The following PLCL2 variants were observed in gnomAD, a reference collection of about 807,000 sequenced individuals.
PLCL2 encodes inactive phospholipase C-like protein 2.
PLCL2 carries 4 observed loss-of-function variants against 79.6 expected under a neutral mutation model. The observed-to-expected ratio is 0.05, with a 90% CI of 0.02 to 0.11. The LOEUF (loss-of-function observed/expected upper bound fraction) is 0.11. Among genes scored for constraint, PLCL2 ranks in the 10% least tolerant of loss-of-function variants. The pLI is 1.00. For missense variants in PLCL2, 895 were observed against 1,291.0 expected, an observed-to-expected ratio of 0.69 and a Z score of 4.70; for synonymous variants, 484 against 457.7, an observed-to-expected ratio of 1.06 and a Z score of -0.73.
intron 1 of PLCL2, among the ~76,000 whole-genome samples, chr3:16,953,120 A>C (rs2063668724): frequency 6.6e-6 from 1 of 152,188 alleles, no homozygotes; most frequent in South Asian, 2.1e-4. Flanking sequence ...TTTATGGGTA[A>C]TGACATGAAA....
At chr3:16,971,317 G>A (rs2124979160) in intron 1 of PLCL2, among the ~76,000 whole-genome samples, 1 of 152,176 alleles carries the variant, frequency 6.6e-6, no homozygotes, top group African/African-American at 2.4e-5. Flanking sequence ...TATTAAATAG[G>A]GAATCCTTTC....
intron 5 of PLCL2, among the ~76,000 whole-genome samples, chr3:17,088,511 G>T (rs1424537955): frequency 6.6e-6 from 1 of 152,168 alleles, no homozygotes; most frequent in East Asian, 1.9e-4. Context: ...TGGAAGGCAG[G>T]TTAAATTTGG....
At chr3:16,971,298 C>A (rs9819321) in intron 1 of PLCL2, among the ~76,000 whole-genome samples, 2,977 of 151,900 alleles carry the variant, frequency 0.02, 90 homozygotes, top group African/African-American at 0.059. Flanking sequence ...CAGTTTTCCC[C>A]GCACCATTTA....
Position 16,886,098 on chromosome 3 carries a change from T to A in PLCL2, c.327+732T>A, listed in dbSNP as rs1696215854. 1.3e-5 allele frequency among the ~76,000 whole-genome samples: 2 copies of A among 152,222 alleles called. No individual in the cohort carries two copies. Among genetic ancestry groups the A allele is most frequent in the African/African-American group, 2.4e-5 (1 of 41,458 alleles). ...TAGCGGAAGAAAGCCAGCGATTGTT[T>A]TGAGCATTTTAAACTCAAGAAGTAA... On this transcript the variant is annotated intron_variant, in intron 1 of 5. Transcript: ENST00000615277. The surrounding 1 kb of genome is among the most constrained non-coding windows in gnomAD (Gnocchi z 4.2).
intron 1 of PLCL2, among the ~76,000 whole-genome samples, chr3:16,917,434 A>G (rs1425529220): frequency 6.6e-6 from 1 of 152,212 alleles, no homozygotes; most frequent in Non-Finnish European, 1.5e-5. Context: ...GACAGTTTGA[A>G]CAGGACACAT....
chr3:17,089,674 G>A lies in PLCL2; in HGVS notation c.3205-59G>A, dbSNP rs147658563. 64 of 958,522 alleles carry A rather than the reference G, an allele frequency of 6.7e-5. No individual in the cohort carries two copies. In the East Asian group the frequency reaches 1.5e-3, roughly 23 times the overall value. 59.4% of individuals were successfully genotyped at this position (958,522 alleles called of 1,614,324 possible). On this transcript the variant is annotated intron_variant, in intron 5 of 5. Coordinates refer to ENST00000615277, the MANE Select transcript of PLCL2 (RefSeq NM_001144382.2). ...ATTTCAGTGAAAGATAGATATTGTT[G>A]AAGTATAACACTAAGTTATGTCATA... is the stretch of plus-strand genomic sequence containing the variant.
At chr3:16,936,141 G>A (rs973547621) in intron 1 of PLCL2, among the ~76,000 whole-genome samples, 1 of 152,150 alleles carries the variant, frequency 6.6e-6, no homozygotes, top group Admixed American at 6.6e-5. Flanking sequence ...ATGACTTAAG[G>A]AATCTTAGGA....
intron 1 of PLCL2, among the ~76,000 whole-genome samples, chr3:16,995,354 G>A (rs1190032388): frequency 6.6e-6 from 1 of 152,250 alleles, no homozygotes; most frequent in Middle Eastern, 3.2e-3. Flanking sequence ...ACACAAAGGG[G>A]AAATGCAGAT....
At chr3:16,931,629 A>G (rs932373522) in intron 1 of PLCL2, among the ~76,000 whole-genome samples, 4 of 152,216 alleles carry the variant, frequency 2.6e-5, no homozygotes, top group Non-Finnish European at 5.9e-5. Flanking sequence ...TTGGTCTTAG[A>G]GTCTGAGGGT....
At chr3:16,940,287 G>A (rs1697647587) in intron 1 of PLCL2, among the ~76,000 whole-genome samples, 1 of 152,062 alleles carries the variant, frequency 6.6e-6, no homozygotes, top group South Asian at 2.1e-4. Context: ...TCTCACATCC[G>A]AAACCAGCCC....
At chr3:16,906,338 G>A (rs1696751610) in intron 1 of PLCL2, among the ~76,000 whole-genome samples, 1 of 152,100 alleles carries the variant, frequency 6.6e-6, no homozygotes, top group Non-Finnish European at 1.5e-5. Context: ...AAGCGAATAT[G>A]TTCTTTTTAC....
intron 4 of PLCL2, among the ~76,000 whole-genome samples, chr3:17,065,219 G>T (rs944579137): frequency 3.9e-5 from 6 of 152,178 alleles, no homozygotes; most frequent in African/African-American, 1.4e-4. Flanking sequence ...TTTTTTAATA[G>T]ACTTGTAAAA....
chr3:17,074,128 A>G (rs947792546), intron 5 of PLCL2, among the ~76,000 whole-genome samples: 14 of 152,228 alleles, frequency 9.2e-5, no homozygotes, highest in Non-Finnish European at 1.0e-4. Context: ...CTATAGCCTT[A>G]TGAAATGTAT....
chr3:17,077,186 C>T (rs1322339794), intron 5 of PLCL2, among the ~76,000 whole-genome samples: 1 of 152,232 alleles, frequency 6.6e-6, no homozygotes, highest in African/African-American at 2.4e-5. Context: ...TATTTCTTCT[C>T]TCAGGATCAC....
chr3:16,971,827 C>T (rs1378346542), intron 1 of PLCL2, among the ~76,000 whole-genome samples: 7 of 152,114 alleles, frequency 4.6e-5, no homozygotes, highest in Middle Eastern at 3.2e-3. Flanking sequence ...AATGGGAGTT[C>T]ACTCATGATT....
In PLCL2 at chr3:16,914,616, G is replaced by A. The variant is rs187826347; in HGVS notation, c.327+29250G>A. Among the ~76,000 whole-genome samples, 351 of 151,730 alleles carry A rather than the reference G, an allele frequency of 2.3e-3. No homozygotes were observed. In the Middle Eastern group the frequency reaches 0.041, roughly 18 times the overall value. On this transcript the variant is annotated intron_variant, in intron 1 of 5. Coordinates refer to ENST00000615277, the MANE Select transcript of PLCL2 (RefSeq NM_001144382.2). ...AGATTTGGTAAACTTTGGTTTTCATGAAGTTAAAATGAATGATTAAAAATT... is the reference window on the plus strand; with the variant it reads ...AGATTTGGTAAACTTTGGTTTTCATAAAGTTAAAATGAATGATTAAAAATT...
At chr3:16,916,118 G>A (rs898698405) in intron 1 of PLCL2, among the ~76,000 whole-genome samples, 9 of 152,066 alleles carry the variant, frequency 5.9e-5, no homozygotes, top group African/African-American at 1.7e-4. Context: ...GACGACAGCC[G>A]ACTTTAATAT....
intron 1 of PLCL2, among the ~76,000 whole-genome samples, chr3:16,976,375 A>T (rs1406044594): frequency 6.6e-6 from 1 of 152,192 alleles, no homozygotes; most frequent in African/African-American, 2.4e-5. Context: ...TCTTAAATTC[A>T]AAGGCTGGAA....
intron 1 of PLCL2, among the ~76,000 whole-genome samples, chr3:16,894,061 G>A (rs1183112613): frequency 6.6e-6 from 1 of 152,116 alleles, no homozygotes; most frequent in African/African-American, 2.4e-5. Flanking sequence ...GACCTCATTT[G>A]CAGCTACCAT....
Sources: gnomAD v4.1 joint callset for allele counts (sites outside exome capture counted in the v4.1 genomes callset) on GRCh38, gnomAD v4.1.1 for gene constraint, Gnocchi (gnomAD v3.1) non-coding constraint, MANE v1.5 for transcripts, NCBI Gene and HGNC (gene_info 2026-07-23, HGNC 2026-07-21) for gene names.